Variants in AKAP13 observed in about 807,000 individuals in gnomAD.
AKAP13 encodes A-kinase anchoring protein 13.
AKAP13 carries 80 observed loss-of-function variants against 264.5 expected under a neutral mutation model. That is an observed-to-expected ratio of 0.30 (90% confidence interval 0.25 to 0.36). The LOEUF (loss-of-function observed/expected upper bound fraction) is 0.36. Ranked by LOEUF, AKAP13 falls within the 10% of genes least tolerant of loss-of-function variation. AKAP13 has a pLI of 1.00. For synonymous variants in AKAP13, 1,380 were observed against 1,250.2 expected (o/e 1.10, Z -2.19); for missense variants, 3,712 against 3,435.2 (o/e 1.08, Z -2.01).
chr15:85,643,780 T>C (rs2151484290), intron 9 of AKAP13, among the ~76,000 whole-genome samples: 1 of 152,268 alleles, frequency 6.6e-6, no homozygotes, highest in South Asian at 2.1e-4. Flanking sequence ...TCTGTGACAG[T>C]CTTTAGGCAC....
rs760577606 is a variant in AKAP13 at position 85,727,087 on chromosome 15, T to A, written c.6844T>A (p.Ser2282Thr). The A allele has an allele frequency of 2.5e-6, 4 of 1,614,078 alleles. No homozygotes were observed. Among genetic ancestry groups the A allele is most frequent in the Non-Finnish European group, 3.4e-6 (4 of 1,180,038 alleles). Residue 2282 changes from serine (S) to threonine (T), a missense_variant, in exon 28 of 37, where the codon TCT becomes ACT. Coordinates refer to ENST00000394518, the MANE Select transcript of AKAP13 (RefSeq NM_007200.5). This position sits in a 1 kb window ranked among gnomAD's most constrained non-coding sequence, Gnocchi z 5.3. ...ASLDQKSTVI[S>T]LKKLIVREVA... is the part of the protein sequence containing the mutation. Reference sequence around the variant, plus strand: ...CCAGGACCAGAAGTCAACAGTGATCTCTTTAAAGAAGCTGATTGTGAGAGA... The same window carrying A: ...CCAGGACCAGAAGTCAACAGTGATCACTTTAAAGAAGCTGATTGTGAGAGA...
rs781695991 is a variant in AKAP13, at chr15:85,645,828, C to G, written c.4248C>G (p.Asn1416Lys). The stretch of plus-strand genomic sequence containing the variant: ...AATTCTCTTTTTCAGAATGTGAGAA[C>G]TTCCTGGATGTTGGACTGGGCAGAG... ...LASKQSPECE[N>K]FLDVGLGREC... Residue 1416 changes from asparagine to lysine, a missense_variant, in exon 10 of 37, where the codon AAC becomes AAG. Asn to Lys is a moderately conservative substitution (Grantham distance 94, BLOSUM62 0). Around this residue, in one of 3 missense-constraint regions of AKAP13, gnomAD observed 2,759 missense variants for 2,411.7 expected, o/e 1.14. Coordinates refer to ENST00000394518, the MANE Select transcript of AKAP13 (RefSeq NM_007200.5). 8.2e-6 allele frequency: 13 copies of G among 1,579,048 alleles called. No individual in the cohort carries two copies. Among genetic ancestry groups the G allele is most frequent in the Non-Finnish European group, 1.1e-5 (13 of 1,160,360 alleles).
rs574929172 is a variant in AKAP13 at position 85,511,057 on chromosome 15, A to T, written c.34-10371A>T. On this transcript the variant is annotated intron_variant, in intron 2 of 36. Coordinates refer to ENST00000394518, the MANE Select transcript of AKAP13 (RefSeq NM_007200.5). ...AAACCCATTTAAGGCTAGAGAAAAAAAAAATTTCTGAGTTTGTTGCTTTTC... is the reference window on the plus strand; with the variant it reads ...AAACCCATTTAAGGCTAGAGAAAAATAAAATTTCTGAGTTTGTTGCTTTTC... 7.2e-5 allele frequency among the ~76,000 whole-genome samples: 11 copies of T among 152,368 alleles called. No individual in the cohort carries two copies. In the East Asian group the frequency reaches 1.5e-3, roughly 21 times the overall value.
Position 85,597,845 on chromosome 15 carries a change from T to G in AKAP13, c.4161+12022T>G, listed in dbSNP as rs188837831. Among the ~76,000 whole-genome samples the G allele has an allele frequency of 4.7e-4, 71 of 152,236 alleles. 1 individual carries two copies. Among genetic ancestry groups the G allele is most frequent in the Admixed American group, 1.2e-3 (18 of 15,276 alleles). The stretch of plus-strand genomic sequence containing the variant: ...TACCTACCAACCCAGTAAGCCTGCA[T>G]GAATCACTGTGAAATCCAGGTTTGT... On this transcript the variant is annotated intron_variant, in intron 8 of 36. Coordinates refer to ENST00000394518, the MANE Select transcript of AKAP13 (RefSeq NM_007200.5).
At chr15:85,631,502 T>TCTCTCTCACACACA (rs1372440393) in intron 8 of AKAP13, among the ~76,000 whole-genome samples, 1 of 140,958 alleles carries the variant, frequency 7.1e-6, no homozygotes, top group African/African-American at 2.7e-5. Flanking sequence ...TCTCTCTCTC[T>TCTCTCTCACACACA]CACACACACA....
chr15:85,423,978 C>T (rs966277516), intron 1 of AKAP13, among the ~76,000 whole-genome samples: 1 of 152,138 alleles, frequency 6.6e-6, no homozygotes, highest in Admixed American at 6.5e-5. Flanking sequence ...TAGGTCACAA[C>T]AGTGACCTTA....
At chr15:85,439,387 T>G (rs1358175043) in intron 1 of AKAP13, among the ~76,000 whole-genome samples, 1 of 151,686 alleles carries the variant, frequency 6.6e-6, no homozygotes, top group Non-Finnish European at 1.5e-5. Context: ...GTAAACTAGT[T>G]CAACCATTGT....
chr15:85,477,123 AG>A (rs757809781), intron 1 of AKAP13, among the ~76,000 whole-genome samples: 4 of 152,074 alleles, frequency 2.6e-5, no homozygotes, highest in Non-Finnish European at 5.9e-5. Flanking sequence ...CCTAAAGTAA[AG>A]GCACTGGTAT....
intron 1 of AKAP13, among the ~76,000 whole-genome samples, chr15:85,477,501 G>T (rs934987456): frequency 6.6e-6 from 1 of 151,950 alleles, no homozygotes; most frequent in Non-Finnish European, 1.5e-5. Context: ...GTTGGCTGGG[G>T]CCCCCAACAG....
intron 1 of AKAP13, among the ~76,000 whole-genome samples, chr15:85,382,611 G>A (rs2070342795): frequency 6.6e-6 from 1 of 152,118 alleles, no homozygotes; most frequent in African/African-American, 2.4e-5. Context: ...TTCTCTGGGC[G>A]GTGATGGCAT....
In AKAP13 at chr15:85,741,038, C is replaced by A; in HGVS notation, c.7609-8C>A. On this transcript the variant is annotated splice_region_variant and splice_polypyrimidine_tract_variant and intron_variant, in intron 34 of 36. Coordinates refer to ENST00000394518, the MANE Select transcript of AKAP13 (RefSeq NM_007200.5). ...GAGTTGCAGGGCTCCCCTCTGTGTG[C>A]CTCCCAGGGTGTGGTGCTGCAGCAG... is the stretch of plus-strand genomic sequence containing the variant. 2 of 1,596,688 alleles carry A rather than the reference C, an allele frequency of 1.3e-6. No homozygotes were observed. Among genetic ancestry groups the A allele is most frequent in the South Asian group, 1.1e-5 (1 of 88,420 alleles).
intron 1 of AKAP13, chr15:85,415,149 A>T (rs917940068): frequency 2.8e-5 from 22 of 776,726 alleles, no homozygotes; most frequent in Non-Finnish European, 4.0e-5. Flanking sequence ...AAATACCTTT[A>T]AAAAAAAATG....
At chr15:85,422,466 C>T (rs1294645183) in intron 1 of AKAP13, among the ~76,000 whole-genome samples, 2 of 152,180 alleles carry the variant, frequency 1.3e-5, no homozygotes, top group Non-Finnish European at 2.9e-5. Context: ...TCAAGTTATG[C>T]ACCATTTTGA....
intron 1 of AKAP13, among the ~76,000 whole-genome samples, chr15:85,428,704 C>T (rs17552971): frequency 0.25 from 38,094 of 152,224 alleles, 6,358 homozygotes; most frequent in Middle Eastern, 0.37. Context: ...TCACGTTTGG[C>T]TTTCTGGTGA....
intron 1 of AKAP13, among the ~76,000 whole-genome samples, chr15:85,430,381 G>T (rs1199870602): frequency 1.3e-5 from 2 of 152,172 alleles, no homozygotes; most frequent in African/African-American, 2.4e-5. Context: ...TAAGCATTTA[G>T]AAATTAGTTG....
intron 10 of AKAP13, 88 bp downstream of exon 10, chr15:85,646,042 C>A (rs537794117): frequency 1.3e-6 from 2 of 1,499,776 alleles, no homozygotes; most frequent in African/African-American, 1.4e-5. Flanking sequence ...CTTTTTCCCC[C>A]TCTTGTGCTC....
chr15:85,511,331 A>G (rs2076411627), intron 2 of AKAP13, among the ~76,000 whole-genome samples: 1 of 152,116 alleles, frequency 6.6e-6, no homozygotes. Context: ...AAACTCATCT[A>G]CAGTCAAGGT....
intron 19 of AKAP13, among the ~76,000 whole-genome samples, chr15:85,713,551 C>T (rs1211010094): frequency 1.7e-5 from 2 of 114,984 alleles, no homozygotes; most frequent in African/African-American, 3.5e-5. Flanking sequence ...TACCCACTTG[C>T]TCTTTTTCTC....
At chr15:85,544,986 A>G (rs971925810) in intron 5 of AKAP13, among the ~76,000 whole-genome samples, 1 of 152,232 alleles carries the variant, frequency 6.6e-6, no homozygotes, top group Non-Finnish European at 1.5e-5. Flanking sequence ...ACGGTTATGT[A>G]AACAGCTTTT....
Sources: allele counts gnomAD v4.1 joint callset (sites outside exome capture counted in the v4.1 genomes callset), GRCh38; gene constraint gnomAD v4.1.1; regional missense constraint gnomAD v4.1.1; non-coding constraint Gnocchi (gnomAD v3.1); transcripts MANE v1.5; gene names NCBI Gene and HGNC (gene_info 2026-07-23, HGNC 2026-07-21).